Variants in ARHGAP32 observed in about 807,000 individuals in gnomAD.
ARHGAP32 encodes the protein rho GTPase-activating protein 32.
ARHGAP32 carries 51 observed loss-of-function variants against 186.5 expected under a neutral mutation model. The ratio of observed to expected loss-of-function variants is 0.27; its 90% CI spans 0.22 to 0.35. The LOEUF (loss-of-function observed/expected upper bound fraction) is 0.35, where lower values mean the gene tolerates loss of function less well. Ranked by LOEUF, ARHGAP32 falls within the 10% of genes least tolerant of loss-of-function variation. The probability of loss-of-function intolerance (pLI) is 1.00; values close to 1 mark genes in which losing one functional copy is unlikely to be tolerated. For missense variants in ARHGAP32, 2,186 were observed against 2,623.5 expected, an observed-to-expected ratio of 0.83 and a Z score of 3.64; for synonymous variants, 950 against 964.3, an observed-to-expected ratio of 0.99 and a Z score of 0.27.
Position 129,062,263 on chromosome 11 carries a change from A to G in ARHGAP32, c.963+17T>C, listed in dbSNP as rs1431472027. ...CTTTCCTTTGAATTTTCCCACACCTAATTTGCTGCTGCCTACCTGGAATCC... is the reference window on the plus strand; with the variant it reads ...CTTTCCTTTGAATTTTCCCACACCTGATTTGCTGCTGCCTACCTGGAATCC... On this transcript the variant is annotated intron_variant, in intron 10 of 22. Coordinates refer to ENST00000682385, the MANE Select transcript of ARHGAP32 (RefSeq NM_001378024.1). 4.3e-6 allele frequency: 7 copies of G among 1,610,968 alleles called. No homozygotes were observed. In the Admixed American group the frequency reaches 1.0e-4, roughly 23 times the overall value.
chr11:129,113,146 T>C (rs1174642277), intron 5 of ARHGAP32, among the ~76,000 whole-genome samples: 6 of 152,162 alleles, frequency 3.9e-5, no homozygotes. Flanking sequence ...TCTCGTGGTG[T>C]TATTCAAGGT....
chr11:128,974,224 C>T lies in ARHGAP32; in HGVS notation c.2973G>A (p.Leu991=). 1.2e-6 allele frequency: 2 copies of T among 1,614,210 alleles called. No individual in the cohort carries two copies. Among genetic ancestry groups the T allele is most frequent in the South Asian group, 1.1e-5 (1 of 91,078 alleles). ...QEAYESEVQP[L]DQVAAEEVEL... ...CTACTTCTTCAGCAGCCACCTGGTCCAGGGGCTGGACTTCAGATTCATATG... is the reference window on the plus strand; with the variant it reads ...CTACTTCTTCAGCAGCCACCTGGTCTAGGGGCTGGACTTCAGATTCATATG... Residue 991 remains leucine (L), a synonymous_variant, in exon 21 of 23, where the codon CTG becomes CTA. Transcript: ENST00000682385.
intron 1 of ARHGAP32, among the ~76,000 whole-genome samples, chr11:129,206,270 A>C (rs1944512911): frequency 1.3e-5 from 2 of 152,128 alleles, no homozygotes; most frequent in African/African-American, 2.4e-5. Flanking sequence ...GGAGTGCAGC[A>C]ACACGGTCAT....
intron 6 of ARHGAP32, among the ~76,000 whole-genome samples, chr11:129,070,368 T>C (rs1398133273): frequency 2.6e-5 from 4 of 152,090 alleles, no homozygotes; most frequent in African/African-American, 4.8e-5. Context: ...ATATTGCTCA[T>C]GCATCTATCA....
intron 1 of ARHGAP32, among the ~76,000 whole-genome samples, chr11:129,223,497 C>T (rs368397231): frequency 2.6e-5 from 4 of 152,144 alleles, no homozygotes; most frequent in African/African-American, 7.2e-5. Context: ...TGGGTGATGG[C>T]AGGAATGGTA....
At chr11:129,129,059 G>C (rs1051813374) in intron 2 of ARHGAP32, among the ~76,000 whole-genome samples, 8 of 151,922 alleles carry the variant, frequency 5.3e-5, no homozygotes, top group African/African-American at 1.7e-4. Flanking sequence ...CTGGGATGTG[G>C]GGAGCGCCTC....
rs1270992198 is a variant in ARHGAP32 at position 128,969,549 on chromosome 11, A to G, written c.5664T>C (p.Leu1888=). Residue 1888 remains leucine (L), a synonymous_variant, in exon 23 of 23, where the codon CTT becomes CTC. Transcript: ENST00000682385. The surrounding 1 kb of genome is among the most constrained non-coding windows in gnomAD (Gnocchi z 4.8). ...CTTCTTGGTGTGCCCTGTGCTCAGG[A>G]AGACTGCAGCCCATGTCAGGAAGCT... The part of the protein sequence containing the change: ...SRKLPDMGCS[L]PEHRAHQEAS... 8 of 1,614,026 alleles carry G rather than the reference A, an allele frequency of 5.0e-6. No individual in the cohort carries two copies. The highest frequency in any genetic ancestry group is 2.2e-5 in the East Asian group (1 of 44,884).
chr11:129,213,796 A>T (rs918991342), intron 1 of ARHGAP32, among the ~76,000 whole-genome samples: 4 of 152,156 alleles, frequency 2.6e-5, no homozygotes, highest in African/African-American at 9.7e-5. Context: ...TCATACGAAG[A>T]CACTACAGGG....
intron 1 of ARHGAP32, among the ~76,000 whole-genome samples, chr11:129,209,440 T>C (rs1473650967): frequency 1.7e-4 from 26 of 149,556 alleles, no homozygotes; most frequent in Admixed American, 1.7e-3. Flanking sequence ...GTAAGATATA[T>C]AAAAAAAAGT....
intron 11 of ARHGAP32, among the ~76,000 whole-genome samples, chr11:129,033,267 T>C (rs1306398764): frequency 6.6e-6 from 1 of 152,208 alleles, no homozygotes; most frequent in Non-Finnish European, 1.5e-5. Flanking sequence ...TCTGTGTACA[T>C]GAATCTCTAT....
At chr11:129,207,747 C>T (rs1257670436) in intron 1 of ARHGAP32, among the ~76,000 whole-genome samples, 1 of 151,616 alleles carries the variant, frequency 6.6e-6, no homozygotes. Flanking sequence ...TTTCTACAAG[C>T]CTTCTAAAAT....
At chr11:129,132,096 T>G (rs755220505) in intron 2 of ARHGAP32, among the ~76,000 whole-genome samples, 5 of 152,106 alleles carry the variant, frequency 3.3e-5, no homozygotes, top group African/African-American at 4.8e-5. Flanking sequence ...TGCAAGAGTT[T>G]TAAAACTCTT....
Position 128,969,381 on chromosome 11 carries a change from G to A in ARHGAP32, c.5832C>T (p.Ser1944=), listed in dbSNP as rs78689455. The change falls in exon 23 of 23, where the codon TCC becomes TCT. Residue 1944 remains serine, a synonymous_variant. Coordinates refer to ENST00000682385, the MANE Select transcript of ARHGAP32 (RefSeq NM_001378024.1). The surrounding 1 kb of genome is among the most constrained non-coding windows in gnomAD (Gnocchi z 4.8). The part of the protein sequence containing the change: ...YHNSGVKYAA[S]GQESLRLNHK... ...GGTTCAGTCTTAAAGATTCTTGCCC[G>A]GATGCAGCATATTTTACTCCAGAGT... 3,618 of 1,614,166 alleles carry A rather than the reference G, an allele frequency of 2.2e-3. No individual in the cohort carries two copies. Among genetic ancestry groups the A allele is most frequent in the Non-Finnish European group, 2.8e-3 (3,310 of 1,180,042 alleles).
At chr11:129,270,829 A>G (rs950452162) in intron 1 of ARHGAP32, among the ~76,000 whole-genome samples, 13 of 152,144 alleles carry the variant, frequency 8.5e-5, no homozygotes, top group Non-Finnish European at 1.3e-4. Flanking sequence ...CAGGAGCCAT[A>G]TCACACATTA....
chr11:129,035,649 A>G (rs561505396), intron 11 of ARHGAP32, among the ~76,000 whole-genome samples: 69 of 152,230 alleles, frequency 4.5e-4, no homozygotes, highest in Non-Finnish European at 8.8e-4. Flanking sequence ...GGAGTTCGAG[A>G]CCAGGTGGTC....
intron 11 of ARHGAP32, among the ~76,000 whole-genome samples, chr11:129,034,165 C>CA (rs1939228030): frequency 6.6e-6 from 1 of 152,144 alleles, no homozygotes; most frequent in African/African-American, 2.4e-5. Context: ...TTCTGACCTC[C>CA]AATTTTTGTT....
chr11:129,073,901 G>A (rs1940952122), intron 6 of ARHGAP32, among the ~76,000 whole-genome samples: 1 of 152,094 alleles, frequency 6.6e-6, no homozygotes, highest in Non-Finnish European at 1.5e-5. Context: ...CATATTCTCA[G>A]AAACCACAGA....
At position 129,093,647 on chromosome 11, in the gene ARHGAP32, C is replaced by A. The variant is rs773768861; in HGVS notation, c.505G>T (p.Val169Phe). The A allele has an allele frequency of 2.1e-5, 33 of 1,606,024 alleles. No homozygotes were observed. Among genetic ancestry groups the A allele is most frequent in the Non-Finnish European group, 2.8e-5 (33 of 1,175,892 alleles). The change falls in exon 6 of 23, where the codon GTC becomes TTC. Residue 169 changes from valine to phenylalanine, a missense_variant. Coordinates refer to ENST00000682385, the MANE Select transcript of ARHGAP32 (RefSeq NM_001378024.1). ...MKNGCESKEL[V>F]YLVQIACQGK... is the part of the protein sequence containing the mutation. ...TGACAAGCAATCTGCACGAGGTAGA[C>A]CAGCTCTTTAGATTCACAGCCATTT...
chr11:129,240,047 AT>A (rs772181070), intron 1 of ARHGAP32, among the ~76,000 whole-genome samples: 2 of 148,582 alleles, frequency 1.3e-5, no homozygotes, highest in Non-Finnish European at 1.5e-5. Flanking sequence ...ATACTTTTTC[AT>A]TTTTTTTTTC....
Sources: gnomAD v4.1 joint callset for allele counts (sites outside exome capture counted in the v4.1 genomes callset) on GRCh38, gnomAD v4.1.1 for gene constraint, Gnocchi (gnomAD v3.1) non-coding constraint, MANE v1.5 for transcripts, NCBI Gene and HGNC (gene_info 2026-07-23, HGNC 2026-07-21) for gene names.